The following FBXL20 variants were observed in gnomAD, a reference collection of about 807,000 sequenced individuals.
FBXL20 encodes F-box and leucine rich repeat protein 20.
In FBXL20, 11 loss-of-function variants were observed where a neutral mutation model predicts 64.0. The observed-to-expected ratio is 0.17, with a 90% confidence interval of 0.11 to 0.28. FBXL20 has a LOEUF of 0.28. FBXL20 is among the 10% of genes least tolerant of loss of function. FBXL20 has a pLI of 1.00. For synonymous variants in FBXL20, 184 were observed against 189.0 expected, an observed-to-expected ratio of 0.97 and a Z score of 0.22; for missense variants, 303 against 526.2, an observed-to-expected ratio of 0.58 and a Z score of 4.15.
chr17:39,387,525 C>T (rs562139328), intron 1 of FBXL20, among the ~76,000 whole-genome samples: 1 of 151,434 alleles, frequency 6.6e-6, no homozygotes, highest in Non-Finnish European at 1.5e-5. Context: ...GTGATCTGGC[C>T]GTCTCGGCCT....
chr17:39,363,827 C>CAAAAAAAAAAAAAAAAAA (rs1555612706), intron 1 of FBXL20, among the ~76,000 whole-genome samples: 4 of 78,002 alleles, frequency 5.1e-5, no homozygotes, highest in African/African-American at 1.1e-4. Context: ...AAAAAAAAAA[C>CAAAAAAAAAAAAAAAAAA]AAAAAACAAA....
intron 2 of FBXL20, among the ~76,000 whole-genome samples, chr17:39,337,056 C>A (rs2047529695): frequency 6.6e-6 from 1 of 151,610 alleles, no homozygotes; most frequent in African/African-American, 2.4e-5. Context: ...GACTGTACTG[C>A]TGCCATCTCG....
intron 1 of FBXL20, among the ~76,000 whole-genome samples, chr17:39,383,746 T>C (rs550058786): frequency 2.0e-5 from 3 of 151,928 alleles, no homozygotes; most frequent in South Asian, 4.2e-4. Flanking sequence ...CATGTCACCA[T>C]GCCTGGCTAA....
At chr17:39,283,040 T>C (rs2046961206) in intron 7 of FBXL20, among the ~76,000 whole-genome samples, 185 bp from the exon 8 acceptor site, 1 of 152,202 alleles carries the variant, frequency 6.6e-6, no homozygotes, top group Admixed American at 6.5e-5. Flanking sequence ...ACTATACCAT[T>C]AGCAGGAACA....
At chr17:39,277,746 C>T (rs918866021) in intron 9 of FBXL20, among the ~76,000 whole-genome samples, 25 of 99,094 alleles carry the variant, frequency 2.5e-4, no homozygotes, top group Admixed American at 5.0e-4. Context: ...AAGAGCAAAA[C>T]TCCGTCTCAA....
chr17:39,390,616 A>G (rs2048125048), intron 1 of FBXL20, among the ~76,000 whole-genome samples: 3 of 151,726 alleles, frequency 2.0e-5, no homozygotes, highest in Non-Finnish European at 4.4e-5. Flanking sequence ...AGTCCCAGCT[A>G]CTGGGGAGAC....
intron 3 of FBXL20, among the ~76,000 whole-genome samples, chr17:39,302,760 T>C (rs1451204995): frequency 3.3e-5 from 5 of 152,176 alleles, no homozygotes; most frequent in African/African-American, 1.2e-4. Flanking sequence ...TCCTCCCATC[T>C]TGGCCTCCCA....
At chr17:39,282,533 T>C (rs1437314552) in intron 8 of FBXL20, among the ~76,000 whole-genome samples, 196 bp downstream of exon 8, 1 of 152,212 alleles carries the variant, frequency 6.6e-6, no homozygotes, top group East Asian at 1.9e-4. Flanking sequence ...CTCAAGTTTA[T>C]TTTTGGTCAG....
chr17:39,364,022 T>A (rs1305067995), intron 1 of FBXL20, among the ~76,000 whole-genome samples: 1 of 150,996 alleles, frequency 6.6e-6, no homozygotes, highest in Non-Finnish European at 1.5e-5. Context: ...CCCGAGTAGC[T>A]GAGATTACAG....
intron 1 of FBXL20, 42 bp downstream of exon 1, chr17:39,401,319 G>C: frequency 6.2e-7 from 1 of 1,612,136 alleles, no homozygotes; most frequent in Non-Finnish European, 8.5e-7. Context: ...TAGAGCGCGC[G>C]ACCCGCCCTC....
chr17:39,300,357 T>A (rs978251903), intron 4 of FBXL20, among the ~76,000 whole-genome samples: 1 of 152,124 alleles, frequency 6.6e-6, no homozygotes, highest in Non-Finnish European at 1.5e-5. Context: ...TAAGAAGCCA[T>A]GAAGAAGCTA....
intron 5 of FBXL20, chr17:39,297,527 A>C (rs593480): frequency 0.38 from 63,141 of 166,032 alleles, 15,945 homozygotes; most frequent in African/African-American, 0.74. Flanking sequence ...GATCAAGGAA[A>C]CTCTGTAAAA....
At chr17:39,342,786 G>A (rs1356127302) in intron 2 of FBXL20, among the ~76,000 whole-genome samples, 1 of 152,038 alleles carries the variant, frequency 6.6e-6, no homozygotes, top group Non-Finnish European at 1.5e-5. Context: ...GGAGGCTGAG[G>A]TGGGAGGACT....
At chr17:39,320,592 A>ATTTT (rs916741667) in intron 2 of FBXL20, among the ~76,000 whole-genome samples, 3 of 137,678 alleles carry the variant, frequency 2.2e-5, no homozygotes, top group Non-Finnish European at 4.7e-5. Flanking sequence ...TCTAGTATGA[A>ATTTT]TTTTTTTTTT....
chr17:39,391,171 C>G (rs1014515684), intron 1 of FBXL20, among the ~76,000 whole-genome samples: 4 of 150,526 alleles, frequency 2.7e-5, no homozygotes, highest in African/African-American at 7.3e-5. Context: ...AATCCTAGCA[C>G]TTTGGGTGGC....
intron 2 of FBXL20, among the ~76,000 whole-genome samples, chr17:39,317,701 GTTTT>G (rs1238194174): frequency 2.3e-5 from 1 of 44,282 alleles, no homozygotes; most frequent in African/African-American, 9.1e-5. Flanking sequence ...TTTTTTTTTT[GTTTT>G]TTTTTTTTTT....
chr17:39,317,728 GTC>G (rs1385669955), intron 2 of FBXL20, among the ~76,000 whole-genome samples: 1 of 123,182 alleles, frequency 8.1e-6, no homozygotes, highest in Non-Finnish European at 1.7e-5. Context: ...TTGAGACGGA[GTC>G]TCACTCTGTC....
rs145492444 is a variant in FBXL20, at chr17:39,313,302, C to T, written c.105-9663G>A. ...AGGCTGGGGTGCAATGGCGCAATCT[C>T]GGATCACTGCAACCTCCACCTCGCT... On this transcript the variant is annotated intron_variant, in intron 2 of 14. Coordinates refer to ENST00000264658, the MANE Select transcript of FBXL20 (RefSeq NM_032875.3). 9.3e-3 allele frequency among the ~76,000 whole-genome samples: 1,409 copies of T among 151,896 alleles called. 17 individuals are homozygous for T. The highest frequency in any genetic ancestry group is 0.032 in the African/African-American group (1,325 of 41,404).
At chr17:39,317,702 T>G (rs201698812) in intron 2 of FBXL20, among the ~76,000 whole-genome samples, 8 of 44,762 alleles carry the variant, frequency 1.8e-4, no homozygotes, top group Admixed American at 8.0e-4. Context: ...TTTTTTTTTG[T>G]TTTTTTTTTT....
Sources: gnomAD v4.1 joint callset for allele counts (sites outside exome capture counted in the v4.1 genomes callset) on GRCh38, gnomAD v4.1.1 for gene constraint, MANE v1.5 for transcripts, NCBI Gene and HGNC (gene_info 2026-07-23, HGNC 2026-07-21) for gene names.